Variants in CUL1 observed in about 807,000 individuals in gnomAD.
CUL1 encodes the protein cullin-1.
In CUL1, 24 loss-of-function variants were observed where a neutral mutation model predicts 118.0. The ratio of observed to expected loss-of-function variants is 0.20; its 90% CI spans 0.15 to 0.29. The LOEUF is 0.29. CUL1 is among the 10% of genes least tolerant of loss of function. The pLI, the probability that CUL1 is intolerant of heterozygous loss-of-function variation, is 1.00. For missense variants in CUL1, 361 were observed against 933.8 expected, an observed-to-expected ratio of 0.39 and a Z score of 7.99; for synonymous variants, 332 against 340.4, an observed-to-expected ratio of 0.98 and a Z score of 0.27.
At position 148,789,732 on chromosome 7, in the gene CUL1, C is replaced by T. The variant is rs201008811; in HGVS notation, c.1598-18C>T. Reference sequence around the variant, plus strand: ...TGTATTCCAGAATGTTCACTCTCCCCTCTCTTCCGTCCCACAGTGGATTTC... The same window carrying T: ...TGTATTCCAGAATGTTCACTCTCCCTTCTCTTCCGTCCCACAGTGGATTTC... On this transcript the variant is annotated intron_variant, in intron 14 of 21. Coordinates refer to ENST00000325222, the MANE Select transcript of CUL1 (RefSeq NM_003592.3). The T allele has an allele frequency of 6.2e-7, 1 of 1,610,732 alleles. No homozygotes were observed.
At chr7:148,744,436 G>A (rs1584785132) in intron 2 of CUL1, among the ~76,000 whole-genome samples, 1 of 144,838 alleles carries the variant, frequency 6.9e-6, no homozygotes, top group East Asian at 2.1e-4. Context: ...GTGTGTGTGT[G>A]TGAAAGAGAA....
chr7:148,776,879 A>G (rs1231583979), intron 9 of CUL1, among the ~76,000 whole-genome samples: 3 of 152,158 alleles, frequency 2.0e-5, no homozygotes, highest in Non-Finnish European at 4.4e-5. Flanking sequence ...CTTCCTATAC[A>G]CTACTTCTAT....
chr7:148,699,455 G>C (rs1406210023), intron 1 of CUL1, among the ~76,000 whole-genome samples: 1 of 152,100 alleles, frequency 6.6e-6, no homozygotes, highest in Non-Finnish European at 1.5e-5. Flanking sequence ...GGCGACCTCC[G>C]CGGGACGCCG....
chr7:148,720,026 C>G (rs149344271), intron 1 of CUL1, among the ~76,000 whole-genome samples: 1 of 152,190 alleles, frequency 6.6e-6, no homozygotes, highest in East Asian at 1.9e-4. Context: ...AGGAGTAAAT[C>G]AGTGAAAGCA....
Position 148,762,394 on chromosome 7 carries a change from A to G in CUL1, c.789+1898A>G, listed in dbSNP as rs558343791. 1.1e-4 allele frequency among the ~76,000 whole-genome samples: 17 copies of G among 152,298 alleles called. No homozygotes were observed. The East Asian group carries it at 1.7e-3, about 16-fold the overall frequency. ...AATCTCTGCTATCTCAAAATCTAAC[A>G]AAAATGGAACTATTCGGGGTATTAT... On this transcript the variant is annotated intron_variant, in intron 7 of 21. Transcript: ENST00000325222.
intron 2 of CUL1, among the ~76,000 whole-genome samples, chr7:148,734,752 A>AT (rs1798884817): frequency 6.6e-6 from 1 of 152,208 alleles, no homozygotes; most frequent in African/African-American, 2.4e-5. Flanking sequence ...GCAGTGAAGT[A>AT]TGAGAGTCCG....
chr7:148,747,645 G>A (rs550447984), intron 2 of CUL1, among the ~76,000 whole-genome samples: 1 of 152,280 alleles, frequency 6.6e-6, no homozygotes, highest in East Asian at 1.9e-4. Context: ...AACTGCTAAA[G>A]GATTTAAGCT....
chr7:148,714,520 A>C (rs529788403), intron 1 of CUL1, among the ~76,000 whole-genome samples: 11 of 152,288 alleles, frequency 7.2e-5, no homozygotes, highest in South Asian at 2.1e-4. Context: ...TTTTAAGGAA[A>C]ACTTAAAAAT....
At chr7:148,769,121 C>T (rs1338219008) in intron 9 of CUL1, among the ~76,000 whole-genome samples, 1 of 152,158 alleles carries the variant, frequency 6.6e-6, no homozygotes, top group Non-Finnish European at 1.5e-5. Context: ...CCACCATTGA[C>T]AGCTATCTCA....
intron 9 of CUL1, among the ~76,000 whole-genome samples, chr7:148,777,194 A>G (rs11767972): frequency 0.015 from 2,210 of 152,294 alleles, 27 homozygotes; most frequent in Non-Finnish European, 0.021. Flanking sequence ...TGAAACCCAC[A>G]CAGTTATGGT....
At chr7:148,699,171 G>C (rs1797624285) in intron 1 of CUL1, 142 bp downstream of exon 1, 1 of 152,358 alleles carries the variant, frequency 6.6e-6, no homozygotes, top group Non-Finnish European at 1.5e-5. Context: ...CCGCCGAAAC[G>C]CGGCCGGGCA....
intron 1 of CUL1, among the ~76,000 whole-genome samples, chr7:148,726,783 G>C (rs1161132560): frequency 6.7e-6 from 1 of 149,052 alleles, no homozygotes; most frequent in East Asian, 2.0e-4. Context: ...AATGCTTTTG[G>C]TACACAAATG....
At chr7:148,760,581 T>A in intron 7 of CUL1, 85 bp downstream of exon 7, 1 of 954,750 alleles carries the variant, frequency 1.0e-6, no homozygotes, top group Non-Finnish European at 1.5e-6. Context: ...TACAGCTTTC[T>A]TTACAAGTCA....
At chr7:148,770,640 C>T (rs1185225761) in intron 9 of CUL1, among the ~76,000 whole-genome samples, 1 of 152,216 alleles carries the variant, frequency 6.6e-6, no homozygotes, top group African/African-American at 2.4e-5. Flanking sequence ...TCGTGCCCTT[C>T]CCTGCTCTGG....
chr7:148,757,786 C>CA (rs2129460467), intron 4 of CUL1, among the ~76,000 whole-genome samples: 1 of 152,190 alleles, frequency 6.6e-6, no homozygotes, highest in African/African-American at 2.4e-5. Flanking sequence ...ACAACCATGG[C>CA]AGAAGGCACA....
intron 1 of CUL1, 51 bp from the exon 2 acceptor site, chr7:148,729,911 T>A (rs1368428262): frequency 1.9e-6 from 1 of 537,216 alleles, no homozygotes; most frequent in African/African-American, 1.9e-5. Flanking sequence ...TGTCTCACCT[T>A]ATTACAGTAC....
In CUL1 at chr7:148,716,124, G is replaced by A. The variant is rs554833686; in HGVS notation, c.-161-13838G>A. On this transcript the variant is annotated intron_variant, in intron 1 of 21. Transcript: ENST00000325222. ...GCTTGAGATCCTGCAGGCCACATAT[G>A]GCTCCAAGATGTTCTTCTAGATTTT... 2.1e-4 allele frequency among the ~76,000 whole-genome samples: 32 copies of A among 152,138 alleles called. 1 individual carries two copies. Among genetic ancestry groups the A allele is most frequent in the Middle Eastern group, 3.4e-3 (1 of 294 alleles).
intron 2 of CUL1, among the ~76,000 whole-genome samples, chr7:148,736,853 G>A (rs1798960870): frequency 6.6e-6 from 1 of 152,202 alleles, no homozygotes; most frequent in Non-Finnish European, 1.5e-5. Flanking sequence ...ATATGAAGTG[G>A]TATGTGAATT....
chr7:148,705,066 G>T (rs1224927310), intron 1 of CUL1, among the ~76,000 whole-genome samples: 2 of 152,110 alleles, frequency 1.3e-5, no homozygotes, highest in African/African-American at 4.8e-5. Flanking sequence ...GTTCTCCTTT[G>T]CTGGACTAAT....
Sources: allele counts gnomAD v4.1 joint callset (sites outside exome capture counted in the v4.1 genomes callset), GRCh38; gene constraint gnomAD v4.1.1; transcripts MANE v1.5; gene names NCBI Gene and HGNC (gene_info 2026-07-23, HGNC 2026-07-21).